The following RBFOX1 variants were observed in gnomAD, a reference collection of about 807,000 sequenced individuals.
RBFOX1 encodes RNA binding protein fox-1 homolog 1.
RBFOX1 carries 8 observed loss-of-function variants against 57.7 expected under a neutral mutation model. The observed-to-expected ratio is 0.14, with a 90% CI of 0.08 to 0.25. The LOEUF is 0.25. Ranked by LOEUF, RBFOX1 falls within the 10% of genes least tolerant of loss-of-function variation. RBFOX1 has a pLI of 1.00. For synonymous variants in RBFOX1, 326 were observed against 222.4 expected (o/e 1.47, Z -4.15); for missense variants, 611 against 548.5 (o/e 1.11, Z -1.14).
chr16:5,942,649 G>C (rs536437296), intron 4 of RBFOX1, among the ~76,000 whole-genome samples: 1 of 152,078 alleles, frequency 6.6e-6, no homozygotes, highest in African/African-American at 2.4e-5. Context: ...TTTTGATAAG[G>C]TCTATTATGT....
At chr16:6,116,451 C>G (rs939062053) in intron 1 of RBFOX1, among the ~76,000 whole-genome samples, 2 of 152,134 alleles carry the variant, frequency 1.3e-5, no homozygotes, top group Non-Finnish European at 2.9e-5. Context: ...TCAAAGTTTT[C>G]TTATTACCAA....
At chr16:5,835,331 C>G (rs1461145071) in intron 3 of RBFOX1, among the ~76,000 whole-genome samples, 10 of 152,190 alleles carry the variant, frequency 6.6e-5, no homozygotes, top group African/African-American at 1.9e-4. Flanking sequence ...ACGTAGACAA[C>G]TAAGCACAGC....
chr16:5,988,243 A>G (rs1435057006), intron 4 of RBFOX1, among the ~76,000 whole-genome samples: 2 of 152,202 alleles, frequency 1.3e-5, no homozygotes, highest in Non-Finnish European at 2.9e-5. Flanking sequence ...CCTCACTAAT[A>G]TCCATGATAA....
intron 3 of RBFOX1, among the ~76,000 whole-genome samples, chr16:6,887,273 G>A (rs931012426): frequency 3.3e-5 from 5 of 152,150 alleles, no homozygotes; most frequent in African/African-American, 1.2e-4. Flanking sequence ...TGTTATCTGC[G>A]AAGATGTTTC....
intron 10 of RBFOX1, among the ~76,000 whole-genome samples, chr16:7,611,671 GC>G (rs2057495990): frequency 6.6e-6 from 1 of 152,072 alleles, no homozygotes; most frequent in African/African-American, 2.4e-5. Context: ...TGGGGTGGGG[GC>G]GAGGCAGGAA....
At chr16:5,974,423 A>T (rs1241509584) in intron 4 of RBFOX1, among the ~76,000 whole-genome samples, 1 of 152,002 alleles carries the variant, frequency 6.6e-6, no homozygotes, top group African/African-American at 2.4e-5. Flanking sequence ...AGCCTGGCCA[A>T]CATGGTGAAA....
intron 4 of RBFOX1, among the ~76,000 whole-genome samples, chr16:5,902,410 ATTTATT>A (rs1181744656): frequency 6.6e-6 from 1 of 151,902 alleles, no homozygotes; most frequent in Non-Finnish European, 1.5e-5. Flanking sequence ...TAATTAATTA[ATTTATT>A]TTTATTTTTA....
intron 1 of RBFOX1, among the ~76,000 whole-genome samples, chr16:5,284,683 A>G (rs9939591): frequency 0.44 from 64,815 of 146,842 alleles, 14,550 homozygotes; most frequent in Non-Finnish European, 0.51. Context: ...CTGGAATTGT[A>G]TATGTGAGCC....
At chr16:6,222,444 A>G (rs934028480) in intron 1 of RBFOX1, among the ~76,000 whole-genome samples, 1 of 151,828 alleles carries the variant, frequency 6.6e-6, no homozygotes, top group African/African-American at 2.4e-5. Context: ...TGGAGCATAG[A>G]AGTGATAACT....
chr16:6,995,016 T>C (rs1287177931), intron 3 of RBFOX1, among the ~76,000 whole-genome samples: 1 of 150,664 alleles, frequency 6.6e-6, no homozygotes, highest in Non-Finnish European at 1.5e-5. Context: ...CGTGTGTATA[T>C]GGATATATAT....
At chr16:5,294,735 G>T (rs568366740) in intron 1 of RBFOX1, among the ~76,000 whole-genome samples, 1 of 151,980 alleles carries the variant, frequency 6.6e-6, no homozygotes, top group East Asian at 1.9e-4. Flanking sequence ...CTTGGACATG[G>T]CATAAAAAAG....
intron 2 of RBFOX1, among the ~76,000 whole-genome samples, chr16:6,433,370 C>A (rs989528075): frequency 6.6e-6 from 1 of 152,260 alleles, no homozygotes; most frequent in African/African-American, 2.4e-5. Flanking sequence ...CCACCAGACA[C>A]TGTAGAGCCT....
chr16:7,541,695 G>T (rs1352078316), intron 5 of RBFOX1, among the ~76,000 whole-genome samples: 4 of 152,214 alleles, frequency 2.6e-5, no homozygotes, highest in Non-Finnish European at 4.4e-5. Flanking sequence ...CCATTGGAAT[G>T]GAGTGAATGC....
At chr16:5,306,113 A>G (rs2063926358) in intron 1 of RBFOX1, among the ~76,000 whole-genome samples, 1 of 152,066 alleles carries the variant, frequency 6.6e-6, no homozygotes, top group African/African-American at 2.4e-5. Context: ...TGATGGGAGG[A>G]TTGCTTGAGC....
At chr16:5,857,648 T>G (rs2057105543) in intron 3 of RBFOX1, among the ~76,000 whole-genome samples, 1 of 152,142 alleles carries the variant, frequency 6.6e-6, no homozygotes, top group Non-Finnish European at 1.5e-5. Context: ...GTTACCTATT[T>G]TTTCCATTAT....
intron 3 of RBFOX1, among the ~76,000 whole-genome samples, chr16:6,786,705 A>G (rs1467214064): frequency 1.3e-5 from 2 of 152,280 alleles, no homozygotes; most frequent in Admixed American, 6.5e-5. Flanking sequence ...TGGGGACCCT[A>G]GCACTACGGT....
chr16:7,252,402 C>G (rs2094528681), intron 4 of RBFOX1, among the ~76,000 whole-genome samples: 1 of 152,226 alleles, frequency 6.6e-6, no homozygotes, highest in African/African-American at 2.4e-5. Flanking sequence ...GGGCAGAGGT[C>G]TTCAACTGAC....
intron 4 of RBFOX1, among the ~76,000 whole-genome samples, chr16:7,324,230 C>T (rs753687249): frequency 3.9e-5 from 6 of 152,118 alleles, no homozygotes; most frequent in Non-Finnish European, 5.9e-5. Flanking sequence ...GCACACTTAG[C>T]TTCTAAAGAG....
intron 1 of RBFOX1, among the ~76,000 whole-genome samples, chr16:6,192,586 A>G (rs767710253): frequency 1.3e-5 from 2 of 152,124 alleles, no homozygotes; most frequent in Non-Finnish European, 2.9e-5. Context: ...CTTATAATTT[A>G]TGATAGAAAA....
Sources: gnomAD v4.1 joint callset for allele counts (sites outside exome capture counted in the v4.1 genomes callset) on GRCh38, gnomAD v4.1.1 for gene constraint, MANE v1.5 for transcripts, NCBI Gene and HGNC (gene_info 2026-07-23, HGNC 2026-07-21) for gene names.